The following ATP8A2 variants were observed in gnomAD, a reference collection of about 807,000 sequenced individuals.
ATP8A2 encodes ATPase phospholipid transporting 8A2.
In ATP8A2, 100 loss-of-function variants were observed where a neutral mutation model predicts 165.6. The observed-to-expected ratio is 0.60, with a 90% confidence interval of 0.51 to 0.71. The LOEUF (loss-of-function observed/expected upper bound fraction) is 0.71, where lower values mean the gene tolerates loss of function less well. Ranked by LOEUF, ATP8A2 falls within the 30% of genes least tolerant of loss-of-function variation. ATP8A2 has a pLI of 0.00. For missense variants in ATP8A2, 1,227 were observed against 1,479.5 expected (o/e 0.83, Z 2.80); for synonymous variants, 543 against 548.8 (o/e 0.99, Z 0.15).
intron 25 of ATP8A2, among the ~76,000 whole-genome samples, chr13:25,741,750 A>C (rs181177143): frequency 4.4e-4 from 67 of 152,318 alleles, no homozygotes; most frequent in Non-Finnish European, 5.9e-4. Flanking sequence ...ACCTTCATAA[A>C]ATGAGGGCTC....
intron 33 of ATP8A2, among the ~76,000 whole-genome samples, chr13:25,954,966 C>A (rs1303428729): frequency 6.6e-6 from 1 of 152,126 alleles, no homozygotes; most frequent in South Asian, 2.1e-4. Flanking sequence ...CAATTCCTCA[C>A]CAGCAAGGGA....
In ATP8A2 at chr13:25,862,314, C is replaced by G; in HGVS notation, c.3089C>G (p.Ala1030Gly). 2 of 1,613,924 alleles carry G rather than the reference C, an allele frequency of 1.2e-6. No homozygotes were observed. The highest frequency in any genetic ancestry group is 1.7e-6 in the Non-Finnish European group (2 of 1,179,836). The stretch of plus-strand genomic sequence containing the variant: ...TTCCCTCTGCAGTTCAGTCATCTGG[C>G]TGTCTGGGGAAGCATGCTGACCTGG... ...TTAWTKFSHL[A>G]VWGSMLTWLV... The change falls in exon 33 of 37, where the codon GCT (alanine) becomes GGT (glycine). Residue 1030 changes from alanine (A) to glycine (G), a missense_variant. Ala to Gly is a moderately conservative substitution (Grantham distance 60). Transcript: ENST00000381655.
chr13:25,918,142 C>T (rs981234049), intron 33 of ATP8A2, among the ~76,000 whole-genome samples: 1 of 152,122 alleles, frequency 6.6e-6, no homozygotes, highest in African/African-American at 2.4e-5. Context: ...GAGCTGACTG[C>T]CAGATAAGGA....
chr13:25,595,229 A>G (rs1038129266), intron 24 of ATP8A2, among the ~76,000 whole-genome samples: 3 of 152,218 alleles, frequency 2.0e-5, no homozygotes, highest in African/African-American at 7.2e-5. Context: ...GAGGCCATCA[A>G]AAGAAAGATG....
At chr13:25,759,078 C>T (rs970825674) in intron 25 of ATP8A2, among the ~76,000 whole-genome samples, 3 of 152,250 alleles carry the variant, frequency 2.0e-5, no homozygotes, top group African/African-American at 7.2e-5. Context: ...CTGCAAACTA[C>T]CTGCCTGAGT....
chr13:25,937,368 T>TC (rs1954931212), intron 33 of ATP8A2, among the ~76,000 whole-genome samples: 3 of 134,672 alleles, frequency 2.2e-5, no homozygotes, highest in Admixed American at 7.7e-5. Flanking sequence ...CTTTCTTTTT[T>TC]TTTTTTTTTT....
chr13:25,498,836 C>T, intron 2 of ATP8A2, among the ~76,000 whole-genome samples: 1 of 152,146 alleles, frequency 6.6e-6, no homozygotes, highest in East Asian at 1.9e-4. Context: ...GATTAAATAA[C>T]AAGCCTGGGG....
chr13:25,636,281 C>T (rs2041365704), intron 24 of ATP8A2, among the ~76,000 whole-genome samples: 1 of 152,118 alleles, frequency 6.6e-6, no homozygotes, highest in Admixed American at 6.5e-5. Flanking sequence ...GACTCTTGCT[C>T]AGCACAGTAG....
At chr13:25,639,492 G>C (rs4619253) in intron 24 of ATP8A2, among the ~76,000 whole-genome samples, 1 of 152,204 alleles carries the variant, frequency 6.6e-6, no homozygotes, top group Admixed American at 6.5e-5. Flanking sequence ...AATGAAGATC[G>C]AAAGAGACAA....
At chr13:25,911,442 T>C (rs1309339579) in intron 33 of ATP8A2, among the ~76,000 whole-genome samples, 1 of 152,142 alleles carries the variant, frequency 6.6e-6, no homozygotes, top group Non-Finnish European at 1.5e-5. Context: ...CGTTCTGTGA[T>C]GTACCAAGGC....
intron 33 of ATP8A2, among the ~76,000 whole-genome samples, chr13:25,955,071 C>G (rs1382321039): frequency 6.6e-6 from 1 of 152,160 alleles, no homozygotes; most frequent in Non-Finnish European, 1.5e-5. Context: ...GGAGCATGTT[C>G]TAATCCAATG....
In ATP8A2 at chr13:25,641,634, C is replaced by T. The variant is rs543969726; in HGVS notation, c.2211+51935C>T. Reference sequence around the variant, plus strand: ...CAAACAAATGGAAGAACATTCCATGCTCATGGATAGGAAGAATCAATATCA... The same window carrying T: ...CAAACAAATGGAAGAACATTCCATGTTCATGGATAGGAAGAATCAATATCA... On this transcript the variant is annotated intron_variant, in intron 24 of 36. Coordinates refer to ENST00000381655, the MANE Select transcript of ATP8A2 (RefSeq NM_016529.6). 2.8e-3 allele frequency among the ~76,000 whole-genome samples: 430 copies of T among 152,196 alleles called. 2 individuals carry two copies. The highest frequency in any genetic ancestry group is 9.5e-3 in the African/African-American group (394 of 41,508).
rs749676086 is a variant in ATP8A2 at position 26,021,169 on chromosome 13, G to C, written c.*1184G>C. The C allele has an allele frequency of 6.6e-6, 1 of 152,228 alleles. No individual in the cohort carries two copies. The highest frequency in any genetic ancestry group is 1.5e-5 in the Non-Finnish European group (1 of 68,086). 9.4% of individuals were successfully genotyped at this position (152,228 alleles called of 1,614,324 possible). ...ATGCAAGAGTATAGGACATTGAGTG[G>C]GGAGAACAAGACGACCACAGAAGTC... On this transcript the variant is annotated 3_prime_UTR_variant, in exon 37 of 37. Coordinates refer to ENST00000381655, the MANE Select transcript of ATP8A2 (RefSeq NM_016529.6).
Position 25,656,022 on chromosome 13 carries a change from T to A in ATP8A2, c.2212-43151T>A, listed in dbSNP as rs577045829. On this transcript the variant is annotated intron_variant, in intron 24 of 36. Coordinates refer to ENST00000381655, the MANE Select transcript of ATP8A2 (RefSeq NM_016529.6). ...TCCAAGAGTCTTTCAACAAATGGGATAGGAATTCACAGGCAGGGTCCCAGT... is the reference window on the plus strand; with the variant it reads ...TCCAAGAGTCTTTCAACAAATGGGAAAGGAATTCACAGGCAGGGTCCCAGT... Among the ~76,000 whole-genome samples, 6 of 152,270 alleles carry A rather than the reference T, an allele frequency of 3.9e-5. No homozygotes were observed. In the South Asian group the frequency reaches 1.2e-3, roughly 32 times the overall value.
intron 33 of ATP8A2, chr13:25,944,715 G>T (rs306399): frequency 0.39 from 58,515 of 151,952 alleles, 11,661 homozygotes; most frequent in African/African-American, 0.49. Flanking sequence ...GACTCACAAC[G>T]GTGAATAGCC....
intron 16 of ATP8A2, among the ~76,000 whole-genome samples, chr13:25,564,989 C>G (rs1403364214): frequency 6.6e-6 from 1 of 152,168 alleles, no homozygotes; most frequent in Non-Finnish European, 1.5e-5. Flanking sequence ...AGTTACTTCA[C>G]TTAGAATAAT....
chr13:26,010,140 G>A (rs1956814129), intron 35 of ATP8A2, among the ~76,000 whole-genome samples: 1 of 152,202 alleles, frequency 6.6e-6, no homozygotes, highest in Non-Finnish European at 1.5e-5. Flanking sequence ...CGGCATCTAG[G>A]CGGCGTCTGC....
At chr13:25,810,188 C>T (rs1372217601) in intron 27 of ATP8A2, among the ~76,000 whole-genome samples, 1 of 152,232 alleles carries the variant, frequency 6.6e-6, no homozygotes, top group Non-Finnish European at 1.5e-5. Context: ...AACGAGGCTT[C>T]TTACTGTTTC....
chr13:25,640,113 G>T (rs1464486940), intron 24 of ATP8A2, among the ~76,000 whole-genome samples: 12 of 152,158 alleles, frequency 7.9e-5, no homozygotes, highest in African/African-American at 2.7e-4. Context: ...AGTGTGTAGA[G>T]GGAAATTTAT....
Sources: allele counts gnomAD v4.1 joint callset (sites outside exome capture counted in the v4.1 genomes callset), GRCh38; gene constraint gnomAD v4.1.1; transcripts MANE v1.5; gene names NCBI Gene and HGNC (gene_info 2026-07-23, HGNC 2026-07-21).